ZC3H3: variants seen among roughly 807,000 people sequenced by gnomAD.
ZC3H3 encodes the protein zinc finger CCCH-type containing 3.
A neutral mutation model predicts 77.3 loss-of-function variants in ZC3H3; 36 were observed. That is an observed-to-expected ratio of 0.47 (90% confidence interval 0.36 to 0.61). The LOEUF is 0.61. Ranked by LOEUF, ZC3H3 falls within the 20% of genes least tolerant of loss-of-function variation. The probability of loss-of-function intolerance (pLI) is 0.00; values close to 1 mark genes in which losing one functional copy is unlikely to be tolerated. For synonymous variants in ZC3H3, 626 were observed against 555.2 expected (o/e 1.13, Z -1.79); for missense variants, 1,331 against 1,312.2 (o/e 1.01, Z -0.22).
chr8:143,482,899 G>C (rs1048727028), intron 4 of ZC3H3, among the ~76,000 whole-genome samples: 7 of 152,198 alleles, frequency 4.6e-5, no homozygotes, highest in Non-Finnish European at 1.0e-4. Flanking sequence ...AGGACCACAG[G>C]AGCAGGTACC....
At position 143,480,257 on chromosome 8, in the gene ZC3H3, G is replaced by A. The variant is rs115889625; in HGVS notation, c.1716-4672C>T. Among the ~76,000 whole-genome samples the A allele has an allele frequency of 1.7e-3, 266 of 152,274 alleles. 1 individual carries two copies. Among genetic ancestry groups the A allele is most frequent in the African/African-American group, 6.0e-3 (251 of 41,558 alleles). ...GGGCAAACCTGGTGCATCCCCTGCC[G>A]GCATCCACAAGGCATGCCCACGCAC... On this transcript the variant is annotated intron_variant, in intron 4 of 11. Transcript: ENST00000262577.
At chr8:143,509,224 G>T (rs1821800393) in intron 3 of ZC3H3, among the ~76,000 whole-genome samples, 1 of 152,198 alleles carries the variant, frequency 6.6e-6, no homozygotes, top group Non-Finnish European at 1.5e-5. Context: ...TCTGCCGATT[G>T]TATTTTCAAG....
intron 4 of ZC3H3, among the ~76,000 whole-genome samples, chr8:143,482,426 C>T (rs1240063239): frequency 1.3e-5 from 2 of 152,144 alleles, no homozygotes; most frequent in Non-Finnish European, 2.9e-5. Flanking sequence ...GAGAACACAC[C>T]CAAGTGTGTG....
At chr8:143,534,957 C>A (rs935949730) in intron 3 of ZC3H3, among the ~76,000 whole-genome samples, 1 of 152,080 alleles carries the variant, frequency 6.6e-6, no homozygotes, top group African/African-American at 2.4e-5. Flanking sequence ...TGCCCTCCCG[C>A]GGCAGCCCCC....
At chr8:143,475,862 C>A (rs971839354) in intron 4 of ZC3H3, among the ~76,000 whole-genome samples, 1 of 152,208 alleles carries the variant, frequency 6.6e-6, no homozygotes, top group African/African-American at 2.4e-5. Context: ...CCCGACCCCA[C>A]CCACGAGGCT....
chr8:143,534,517 C>T (rs1032841020), intron 3 of ZC3H3, among the ~76,000 whole-genome samples: 5 of 152,102 alleles, frequency 3.3e-5, no homozygotes, highest in Admixed American at 2.0e-4. Flanking sequence ...AGGGAGCAGG[C>T]CAGGTGAGCA....
chr8:143,482,194 C>T (rs963663773), intron 4 of ZC3H3, among the ~76,000 whole-genome samples: 1 of 152,246 alleles, frequency 6.6e-6, no homozygotes, highest in Non-Finnish European at 1.5e-5. Flanking sequence ...TTCTGGAAAG[C>T]ACTGTGCTCC....
At position 143,494,017 on chromosome 8, in the gene ZC3H3, G is replaced by A. The variant is rs533729118; in HGVS notation, c.1715+13729C>T. Among the ~76,000 whole-genome samples, 21 of 152,302 alleles carry A rather than the reference G, an allele frequency of 1.4e-4. No individual in the cohort carries two copies. Among genetic ancestry groups the A allele is most frequent in the African/African-American group, 4.6e-4 (19 of 41,560 alleles). On this transcript the variant is annotated intron_variant, in intron 4 of 11. Coordinates refer to ENST00000262577, the MANE Select transcript of ZC3H3 (RefSeq NM_015117.3). The surrounding 1 kb of genome is among the most constrained non-coding windows in gnomAD (Gnocchi z 5.3). ...AGCACTTGGGGAGCCGTAACCGCCTGTTCCCATAAAATAAAACTCTAAAAA... is the reference window on the plus strand; with the variant it reads ...AGCACTTGGGGAGCCGTAACCGCCTATTCCCATAAAATAAAACTCTAAAAA...
intron 3 of ZC3H3, among the ~76,000 whole-genome samples, chr8:143,531,817 T>C (rs1822620040): frequency 6.6e-6 from 1 of 152,266 alleles, no homozygotes; most frequent in Non-Finnish European, 1.5e-5. Context: ...TTAGCCCCCT[T>C]ATCTGCTGAG....
chr8:143,465,737 A>G lies in ZC3H3; in HGVS notation c.2287T>C (p.Tyr763His). Residue 763 changes from tyrosine (Y) to histidine (H), a missense_variant, in exon 9 of 12, where the codon TAC (tyrosine) becomes CAC (histidine). Around this residue, in one of 3 missense-constraint regions of ZC3H3, gnomAD observed 104 missense variants for 159.7 expected, o/e 0.65. Coordinates refer to ENST00000262577, the MANE Select transcript of ZC3H3 (RefSeq NM_015117.3). ...CTCACCTTTGCACCCAGGGGGCAGT[A>G]GCCTTTGAGGAAGTCGCTGCAGACC... Reference protein sequence around the residue: ...AEVCSDFLKGYCPLGAKCKKK... With the variant: ...AEVCSDFLKGHCPLGAKCKKK... 6.2e-7 allele frequency: 1 copy of G among 1,613,924 alleles called. No homozygotes were observed. Among genetic ancestry groups the G allele is most frequent in the South Asian group, 1.1e-5 (1 of 91,092 alleles).
chr8:143,472,739 G>T (rs1476567666), intron 5 of ZC3H3, among the ~76,000 whole-genome samples: 3 of 152,242 alleles, frequency 2.0e-5, no homozygotes, highest in Non-Finnish European at 2.9e-5. Flanking sequence ...CGACCCAAGG[G>T]CCCCGGTGCG....
chr8:143,484,830 C>T (rs1040051107), intron 4 of ZC3H3: 1 of 449,032 alleles, frequency 2.2e-6, no homozygotes, highest in African/African-American at 2.0e-5. Flanking sequence ...AGACATCCCC[C>T]CACTCCCAGG....
In ZC3H3 at chr8:143,462,881, G is replaced by A. The variant is rs1820302733; in HGVS notation, c.2307+2836C>T. The stretch of plus-strand genomic sequence containing the variant: ...ACCCTAGCTGCAACAAGCACACGCA[G>A]CGCCCAGACCCTGAGTCCTAAACAC... On this transcript the variant is annotated intron_variant, in intron 9 of 11. Transcript: ENST00000262577. The surrounding 1 kb of genome is among the most constrained non-coding windows in gnomAD (Gnocchi z 4.7). Among the ~76,000 whole-genome samples the A allele has an allele frequency of 6.6e-6, 1 of 152,136 alleles. No homozygotes were observed. The highest frequency in any genetic ancestry group is 2.1e-4 in the South Asian group (1 of 4,834).
chr8:143,501,799 G>A (rs419471), intron 4 of ZC3H3, among the ~76,000 whole-genome samples: 4,187 of 152,192 alleles, frequency 0.028, 174 homozygotes, highest in African/African-American at 0.095. Flanking sequence ...GCCCCGGGGC[G>A]CGGGTGTTAC....
rs924400039 is a variant in ZC3H3, at chr8:143,456,873, AAAC to A, written c.2307+8841_2307+8843del. Among the ~76,000 whole-genome samples the A allele has an allele frequency of 2.5e-4, 38 of 152,240 alleles. No homozygotes were observed. The East Asian group carries it at 4.4e-3, about 18-fold the overall frequency. ...ACAAAGCGAGACCCAGTCTCTAAAC[AAAC>A]AACAACAACAACAACGAAAAGAATG... On this transcript the variant is annotated intron_variant, in intron 9 of 11. Coordinates refer to ENST00000262577, the MANE Select transcript of ZC3H3 (RefSeq NM_015117.3).
intron 4 of ZC3H3, among the ~76,000 whole-genome samples, chr8:143,499,084 C>G (rs1268238575): frequency 6.6e-6 from 1 of 152,110 alleles, no homozygotes; most frequent in African/African-American, 2.4e-5. Flanking sequence ...ATTTCTGGGC[C>G]CTTTGCTGGC....
intron 5 of ZC3H3, among the ~76,000 whole-genome samples, chr8:143,472,740 C>A (rs1397606469): frequency 6.6e-6 from 1 of 152,362 alleles, no homozygotes; most frequent in South Asian, 2.1e-4. Flanking sequence ...GACCCAAGGG[C>A]CCCGGTGCGG....
At chr8:143,461,990 T>A (rs1412251324) in intron 9 of ZC3H3, among the ~76,000 whole-genome samples, 1 of 151,338 alleles carries the variant, frequency 6.6e-6, no homozygotes, top group African/African-American at 2.4e-5. Flanking sequence ...TTTTTTTTTT[T>A]AAAGCTGACA....
chr8:143,493,878 T>C lies in ZC3H3; in HGVS notation c.1715+13868A>G, dbSNP rs980313678. The stretch of plus-strand genomic sequence containing the variant: ...AACCCCCAACTGAATCAATATTTAC[T>C]GCATTGAAACGAAATGAATAGTAAT... On this transcript the variant is annotated intron_variant, in intron 4 of 11. Coordinates refer to ENST00000262577, the MANE Select transcript of ZC3H3 (RefSeq NM_015117.3). The surrounding 1 kb of genome is among the most constrained non-coding windows in gnomAD (Gnocchi z 4.8). Among the ~76,000 whole-genome samples the C allele has an allele frequency of 1.3e-5, 2 of 152,242 alleles. No individual in the cohort carries two copies. The highest frequency in any genetic ancestry group is 2.9e-5 in the Non-Finnish European group (2 of 68,042).
Sources: allele counts gnomAD v4.1 joint callset (sites outside exome capture counted in the v4.1 genomes callset), GRCh38; gene constraint gnomAD v4.1.1; regional missense constraint gnomAD v4.1.1; non-coding constraint Gnocchi (gnomAD v3.1); transcripts MANE v1.5; gene names NCBI Gene and HGNC (gene_info 2026-07-23, HGNC 2026-07-21).